The following TP53BP1 variants were observed in gnomAD, a reference collection of about 807,000 sequenced individuals.
TP53BP1 encodes TP53-binding protein 1.
A neutral mutation model predicts 200.8 loss-of-function variants in TP53BP1; 61 were observed. That is an observed-to-expected ratio of 0.30 (90% CI 0.25 to 0.38). TP53BP1 has a LOEUF of 0.38. Among genes scored for constraint, TP53BP1 ranks in the 10% least tolerant of loss-of-function variants. The pLI is 1.00. For synonymous variants in TP53BP1, 822 were observed against 844.3 expected (o/e 0.97, Z 0.46); for missense variants, 2,144 against 2,371.9 (o/e 0.90, Z 2.00).
At chr15:43,495,495 TCACACACACACA>T (rs376410840), upstream of TP53BP1, among the ~76,000 whole-genome samples, 25 of 133,456 alleles carry the variant, frequency 1.9e-4, no homozygotes, top group Non-Finnish European at 3.5e-4. Flanking sequence ...TGAGACTCCG[TCACACACACACA>T]CACACACACA....
rs184938154 is a variant in TP53BP1, at chr15:43,436,635, C to T, written c.3191+1689G>A. On this transcript the variant is annotated intron_variant, in intron 16 of 27. Coordinates refer to ENST00000382044, the MANE Select transcript of TP53BP1 (RefSeq NM_001141980.3). The stretch of plus-strand genomic sequence containing the variant: ...GACCACAAGCGCATGCCACCACATC[C>T]GGCTTTTTTTTTTTTCTTTTTTTTC... Among the ~76,000 whole-genome samples the T allele has an allele frequency of 6.7e-4, 101 of 151,274 alleles. 1 individual carries two copies. The highest frequency in any genetic ancestry group is 4.4e-3 in the South Asian group (21 of 4,782).
Position 43,409,758 on chromosome 15 carries a change from AAC to A in TP53BP1, c.5306-19_5306-18del. The A allele has an allele frequency of 7.4e-7, 1 of 1,343,434 alleles. No homozygotes were observed. The highest frequency in any genetic ancestry group is 1.0e-6 in the Non-Finnish European group (1 of 977,046). The allele number at this position is 1,343,434 out of a possible 1,614,324, so 83.2% of individuals were successfully genotyped here. On this transcript the variant is annotated intron_variant, in intron 24 of 27. Coordinates refer to ENST00000382044, the MANE Select transcript of TP53BP1 (RefSeq NM_001141980.3). ...CCAAAAATTCTATATTAAAAAAAAA[AAC>A]CAAGATAATAATTACTGAGTGGTTT...
chr15:43,418,583 G>T (rs998689875), intron 21 of TP53BP1, among the ~76,000 whole-genome samples: 3 of 151,124 alleles, frequency 2.0e-5, no homozygotes, highest in African/African-American at 7.3e-5. Context: ...TCCTCAGAAA[G>T]ATGTTTTTAA....
At chr15:43,478,014 T>C (rs996155739) in intron 7 of TP53BP1, among the ~76,000 whole-genome samples, 9 of 152,224 alleles carry the variant, frequency 5.9e-5, no homozygotes, top group Non-Finnish European at 1.0e-4. Flanking sequence ...TGCTTCATGC[T>C]TTCTAAGATT....
chr15:43,406,738 G>A lies in TP53BP1; in HGVS notation c.*645C>T, dbSNP rs888687014. 1.3e-5 allele frequency: 5 copies of A among 397,302 alleles called. No individual in the cohort carries two copies. The highest frequency in any genetic ancestry group is 2.0e-5 in the Non-Finnish European group (4 of 201,624). The allele number at this position is 397,302 out of a possible 1,614,324, so 24.6% of individuals were successfully genotyped here. ...AATATTGGGTCTTTGACTAGAACGT[G>A]TAACATTTCCAGGTGTTCTCACTTG... On this transcript the variant is annotated 3_prime_UTR_variant, in exon 28 of 28. Coordinates refer to ENST00000382044, the MANE Select transcript of TP53BP1 (RefSeq NM_001141980.3).
chr15:43,465,588 G>T (rs1258416898), intron 11 of TP53BP1, among the ~76,000 whole-genome samples: 1 of 151,966 alleles, frequency 6.6e-6, no homozygotes, highest in Non-Finnish European at 1.5e-5. Context: ...AGAAATTAAA[G>T]AAATAAATTT....
At chr15:43,446,878 G>A (rs770086739) in intron 13 of TP53BP1, 2 of 1,090,708 alleles carry the variant, frequency 1.8e-6, no homozygotes, top group African/African-American at 1.6e-5. Flanking sequence ...GGTAGCAGGA[G>A]ACTCCAGACG....
chr15:43,448,846 G>T (rs1265940104), intron 12 of TP53BP1, among the ~76,000 whole-genome samples: 1 of 152,202 alleles, frequency 6.6e-6, no homozygotes, highest in Non-Finnish European at 1.5e-5. Context: ...GTAAAGAGGG[G>T]CCAGGTACCA....
At chr15:43,474,549 AG>A (rs2046809603) in intron 10 of TP53BP1, 123 bp downstream of exon 10, 1 of 568,680 alleles carries the variant, frequency 1.8e-6, no homozygotes, top group South Asian at 2.7e-5. Context: ...GACAAACATG[AG>A]TCCTACCGAA....
upstream of TP53BP1, among the ~76,000 whole-genome samples, chr15:43,494,338 T>C (rs1413641685): frequency 1.3e-5 from 2 of 152,360 alleles, no homozygotes; most frequent in East Asian, 3.8e-4. Context: ...TGGAGCTTCC[T>C]ACCAGTCTTC....
chr15:43,410,436 T>A (rs141017333), intron 24 of TP53BP1, among the ~76,000 whole-genome samples: 169 of 152,180 alleles, frequency 1.1e-3, no homozygotes, highest in African/African-American at 3.9e-3. Context: ...GTAGAAGATA[T>A]GAGAGATGAG....
chr15:43,419,924 T>A (rs1326856675), intron 21 of TP53BP1, among the ~76,000 whole-genome samples: 1 of 152,072 alleles, frequency 6.6e-6, no homozygotes, highest in African/African-American at 2.4e-5. Context: ...GCTAGTGAAA[T>A]CCAAATAAAG....
intron 15 of TP53BP1, among the ~76,000 whole-genome samples, chr15:43,440,533 A>G (rs1057262517): frequency 2.0e-5 from 3 of 151,408 alleles, no homozygotes; most frequent in South Asian, 2.1e-4. Context: ...AAACAAAAAA[A>G]AAACACTCTG....
At position 43,406,444 on chromosome 15, in the gene TP53BP1, GCTGT is replaced by G. The variant is rs912247871; in HGVS notation, c.*935_*938del. 26 of 349,802 alleles carry G rather than the reference GCTGT, an allele frequency of 7.4e-5. No homozygotes were observed. Among genetic ancestry groups the G allele is most frequent in the African/African-American group, 2.8e-4 (13 of 46,812 alleles). The allele number at this position is 349,802 out of a possible 1,614,324, so 21.7% of individuals were successfully genotyped here. ...AGCAGGAGCTGGCAAACTATGGCCT[GCTGT>G]CTGTTTTTGTACAGTTTTACTGAAA... On this transcript the variant is annotated 3_prime_UTR_variant, in exon 28 of 28. Transcript: ENST00000382044.
In TP53BP1 at chr15:43,420,336, C is replaced by T. The variant is rs1408887993; in HGVS notation, c.4650G>A (p.Thr1550=). Residue 1550 remains threonine, a synonymous_variant, in exon 21 of 28, where the codon ACG becomes ACA. Transcript: ENST00000382044. ...TGAAATACTCATCCTCCGAGAGGGCCGTCACTTCAGTGTCCAGCGGGATGG... is the reference window on the plus strand; with the variant it reads ...TGAAATACTCATCCTCCGAGAGGGCTGTCACTTCAGTGTCCAGCGGGATGG... ...CDPIPLDTEV[T]ALSEDEYFSA... is the part of the protein sequence containing the mutation. The T allele has an allele frequency of 2.5e-6, 4 of 1,613,900 alleles. No homozygotes were observed. The highest frequency in any genetic ancestry group is 3.4e-6 in the Non-Finnish European group (4 of 1,179,918).
rs33916441 is a variant in TP53BP1, at chr15:43,420,654, G to A, written c.4332C>T (p.Val1444=). The A allele has an allele frequency of 1.1e-3, 1,716 of 1,614,182 alleles. 11 individuals are homozygous for A. The African/African-American group carries it at 0.02, about 19-fold the overall frequency. ...TGGTGGAGTCTGGCACTCGGGGCAC[G>A]ACACGGCTGAAGGATTTATCATCTG... ...LSPDDKSFSR[V]VPRVPDSTRR... The change falls in exon 21 of 28, where the codon GTC becomes GTT. Residue 1444 remains valine (V), a synonymous_variant. Transcript: ENST00000382044.
chr15:43,505,391 TC>T (rs1278178738), intron 1 of TP53BP1, among the ~76,000 whole-genome samples: 4 of 152,160 alleles, frequency 2.6e-5, no homozygotes, highest in Non-Finnish European at 5.9e-5. Context: ...GTAGCTTTGC[TC>T]AGATTAAAAG....
Position 43,456,480 on chromosome 15 carries a change from T to C in TP53BP1, c.2128A>G (p.Lys710Glu), listed in dbSNP as rs769141285. Reference sequence around the variant, plus strand: ...GAGCATTCTTTTTTTGGCATTTCCTTTTGAAGACACAACCCTTGGGACTGA... The same window carrying C: ...GAGCATTCTTTTTTTGGCATTTCCTCTTGAAGACACAACCCTTGGGACTGA... ...ETQSQGLCLQ[K>E]EMPKKECSEA... Residue 710 changes from lysine to glutamate, a missense_variant, in exon 12 of 28, where the codon AAG becomes GAG. Physicochemically the swap from Lys to Glu is moderately conservative, Grantham distance 56 (BLOSUM62 1). Around this residue, in one of 4 missense-constraint regions of TP53BP1, gnomAD observed 1,700 missense variants for 1,710.3 expected, o/e 0.99. Coordinates refer to ENST00000382044, the MANE Select transcript of TP53BP1 (RefSeq NM_001141980.3). 8 of 1,570,930 alleles carry C rather than the reference T, an allele frequency of 5.1e-6. No individual in the cohort carries two copies. Among genetic ancestry groups the C allele is most frequent in the Non-Finnish European group, 6.9e-6 (8 of 1,163,406 alleles).
intron 4 of TP53BP1, among the ~76,000 whole-genome samples, chr15:43,483,964 C>A (rs2079011070): frequency 6.6e-6 from 1 of 152,202 alleles, no homozygotes; most frequent in Non-Finnish European, 1.5e-5. Flanking sequence ...TACTACCTAT[C>A]TGCTTATGAG....
Sources: gnomAD v4.1 joint callset for allele counts (sites outside exome capture counted in the v4.1 genomes callset) on GRCh38, gnomAD v4.1.1 for gene constraint, gnomAD v4.1.1 regional missense constraint, MANE v1.5 for transcripts, NCBI Gene and HGNC (gene_info 2026-07-23, HGNC 2026-07-21) for gene names.